Variants in NOS2 observed in about 807,000 individuals in gnomAD.
NOS2 encodes nitric oxide synthase 2, also known as nitric oxide synthase, inducible.
A neutral mutation model predicts 136.0 loss-of-function variants in NOS2; 96 were observed. The ratio of observed to expected loss-of-function variants is 0.71; its 90% confidence interval spans 0.60 to 0.84. NOS2 has a LOEUF of 0.84. NOS2 is among the 40% of genes least tolerant of loss of function. The pLI is 0.00. For synonymous variants in NOS2, 539 were observed against 587.5 expected, an observed-to-expected ratio of 0.92 and a Z score of 1.20; for missense variants, 1,237 against 1,496.9, an observed-to-expected ratio of 0.83 and a Z score of 2.87.
At chr17:27,777,091 C>CG (rs955048917) in intron 11 of NOS2, among the ~76,000 whole-genome samples, 19 of 152,180 alleles carry the variant, frequency 1.2e-4, no homozygotes, top group Non-Finnish European at 2.5e-4. Context: ...CCCCAAACAC[C>CG]GGGGGGCTCT....
In NOS2 at chr17:27,766,630, T is replaced by G. The variant is rs973173135; in HGVS notation, c.2168-42A>C. 7 of 1,528,276 alleles carry G rather than the reference T, an allele frequency of 4.6e-6. No homozygotes were observed. The African/African-American group carries it at 8.2e-5, about 18-fold the overall frequency. 94.7% of individuals were successfully genotyped at this position (1,528,276 alleles called of 1,614,324 possible). A position where few individuals can be genotyped will look rare whatever the true frequency, so the allele number is the denominator to read the frequency against. On this transcript the variant is annotated intron_variant, in intron 18 of 26. Transcript: ENST00000313735. ...GACGGTGAAATGGCAAAGTGGTTCT[T>G]GAGCGTAGGTAGGGGAAGCCCCCAG...
At position 27,769,066 on chromosome 17, in the gene NOS2, C is replaced by G; in HGVS notation, c.1945G>C (p.Gly649Arg). 1 of 1,612,742 alleles carries G rather than the reference C, an allele frequency of 6.2e-7. No individual in the cohort carries two copies. Among genetic ancestry groups the G allele is most frequent in the Non-Finnish European group, 8.5e-7 (1 of 1,179,634 alleles). Residue 649 changes from glycine (G) to arginine (R), a missense_variant, in exon 17 of 27, where the codon GGG becomes CGG. This residue lies in a region of NOS2 where 782 missense variants were observed against 909.9 expected (regional missense o/e 0.86). Coordinates refer to ENST00000313735, the MANE Select transcript of NOS2 (RefSeq NM_000625.4). ...HDIDQKLSHL[G>R]ASQLTPMGEG... Reference sequence around the variant, plus strand: ...CCCATCGGGGTGAGCTGAGAGGCCCCCAGGTGGGACAGCTTCTGATCAATG... The same window carrying G: ...CCCATCGGGGTGAGCTGAGAGGCCCGCAGGTGGGACAGCTTCTGATCAATG...
At chr17:27,780,957 C>T in intron 8 of NOS2, 51 bp from the exon 9 acceptor site, 3 of 1,598,708 alleles carry the variant, frequency 1.9e-6, no homozygotes, top group Admixed American at 1.7e-5. Flanking sequence ...CTGCGTGTCT[C>T]CTCTGGGCTC....
At chr17:27,762,730 G>C (rs1399592364) in intron 22 of NOS2, 68 bp downstream of exon 22, 15 of 1,159,806 alleles carry the variant, frequency 1.3e-5, no homozygotes, top group Non-Finnish European at 1.8e-5. Flanking sequence ...AGCTGAATCT[G>C]AGTTGATGAA....
chr17:27,776,677 GAAAA>G (rs34069634), intron 11 of NOS2, among the ~76,000 whole-genome samples: 93 of 78,128 alleles, frequency 1.2e-3, no homozygotes, highest in Middle Eastern at 8.1e-3. Flanking sequence ...ATCTCCAAAG[GAAAA>G]AAAAAAAAAA....
intron 2 of NOS2, among the ~76,000 whole-genome samples, chr17:27,790,121 C>G (rs561211989): frequency 6.6e-6 from 1 of 152,202 alleles, no homozygotes; most frequent in African/African-American, 2.4e-5. Flanking sequence ...TGAAACAGAG[C>G]CTTGCACTGT....
At chr17:27,782,512 C>A (rs1408759039) in intron 6 of NOS2, among the ~76,000 whole-genome samples, 1 of 152,192 alleles carries the variant, frequency 6.6e-6, no homozygotes, top group Admixed American at 6.5e-5. Context: ...TTTCTCTGTC[C>A]AAGTGCTTTT....
intron 2 of NOS2, among the ~76,000 whole-genome samples, chr17:27,796,780 G>T (rs986938991): frequency 6.6e-6 from 1 of 152,174 alleles, no homozygotes; most frequent in Non-Finnish European, 1.5e-5. Flanking sequence ...CTGCAATGAT[G>T]AGATGAAGAG....
intron 14 of NOS2, among the ~76,000 whole-genome samples, chr17:27,771,568 T>A (rs376521452): frequency 3.3e-5 from 5 of 152,376 alleles, no homozygotes; most frequent in African/African-American, 1.2e-4. Context: ...CAGTGCCCCC[T>A]TGGCCTAAGC....
intron 22 of NOS2, 140 bp downstream of exon 22, chr17:27,762,658 C>A: frequency 1.6e-6 from 1 of 632,440 alleles, no homozygotes; most frequent in Non-Finnish European, 2.7e-6. Flanking sequence ...TCCCACACAC[C>A]TCCTAATACT....
At chr17:27,776,674 A>C (rs1034769288) in intron 11 of NOS2, among the ~76,000 whole-genome samples, 3 of 138,476 alleles carry the variant, frequency 2.2e-5, no homozygotes, top group Non-Finnish European at 4.8e-5. Flanking sequence ...TTCATCTCCA[A>C]AGGAAAAAAA....
At chr17:27,788,219 C>T (rs1909081956) in intron 4 of NOS2, among the ~76,000 whole-genome samples, 1 of 151,916 alleles carries the variant, frequency 6.6e-6, no homozygotes. Context: ...CACACACACA[C>T]ACACGAATGA....
intron 1 of NOS2, among the ~76,000 whole-genome samples, chr17:27,799,655 G>A (rs1033230292): frequency 3.3e-5 from 5 of 152,152 alleles, no homozygotes; most frequent in Admixed American, 3.3e-4. Flanking sequence ...TTCAGCCTGG[G>A]CAACATAGGG....
intron 2 of NOS2, among the ~76,000 whole-genome samples, chr17:27,795,072 C>G (rs150049587): frequency 6.6e-6 from 1 of 152,114 alleles, no homozygotes; most frequent in African/African-American, 2.4e-5. Flanking sequence ...ACACCCACAA[C>G]TACGACCTCC....
intron 25 of NOS2, among the ~76,000 whole-genome samples, chr17:27,759,278 A>C (rs1908033990): frequency 6.6e-6 from 1 of 152,122 alleles, no homozygotes; most frequent in South Asian, 2.1e-4. Flanking sequence ...AGAGAGATAA[A>C]TGCTGGACAC....
At chr17:27,759,422 C>G (rs1200237018) in intron 25 of NOS2, among the ~76,000 whole-genome samples, 2 of 152,184 alleles carry the variant, frequency 1.3e-5, no homozygotes, top group East Asian at 3.9e-4. Context: ...AAGGGAGCCT[C>G]TCAATGCAGT....
Position 27,779,073 on chromosome 17 carries a change from C to T in NOS2, c.1005-17G>A, listed in dbSNP as rs754316162. 20 of 1,436,700 alleles carry T rather than the reference C, an allele frequency of 1.4e-5. No homozygotes were observed. The highest frequency in any genetic ancestry group is 2.6e-5 in the Admixed American group (1 of 38,262). 89.0% of individuals were successfully genotyped at this position (1,436,700 alleles called of 1,614,324 possible). A position where few individuals can be genotyped will look rare whatever the true frequency, so the allele number is the denominator to read the frequency against. ...CACTCGTATCTGGCAAAAAGGTAGA[C>T]ACAATTTAACTGGGGCCTTCCTTAT... On this transcript the variant is annotated splice_polypyrimidine_tract_variant and intron_variant, in intron 9 of 26. Transcript: ENST00000313735.
At chr17:27,786,981 T>C (rs188992319) in intron 5 of NOS2, among the ~76,000 whole-genome samples, 38 of 152,338 alleles carry the variant, frequency 2.5e-4, no homozygotes, top group Admixed American at 2.2e-3. Context: ...AAATGACCAA[T>C]TGGCCATAGA....
At position 27,760,181 on chromosome 17, in the gene NOS2, G is replaced by GC. The variant is rs1323828519; in HGVS notation, c.3011-4dup. 6.4e-7 allele frequency: 1 copy of GC among 1,557,250 alleles called. No homozygotes were observed. Among genetic ancestry groups the GC allele is most frequent in the Middle Eastern group, 1.8e-4 (1 of 5,652 alleles). On this transcript the variant is annotated splice_region_variant and splice_polypyrimidine_tract_variant and intron_variant, in intron 24 of 26. Coordinates refer to ENST00000313735, the MANE Select transcript of NOS2 (RefSeq NM_000625.4). ...GGTCATGCGGCCTCCCCGCACTCCTGCAGGAGTCCCGGGCTGTTGTTACCA... is the reference window on the plus strand; with the variant it reads ...GGTCATGCGGCCTCCCCGCACTCCTGCCAGGAGTCCCGGGCTGTTGTTACCA...
Sources: gnomAD v4.1 joint callset for allele counts (sites outside exome capture counted in the v4.1 genomes callset) on GRCh38, gnomAD v4.1.1 for gene constraint, gnomAD v4.1.1 regional missense constraint, MANE v1.5 for transcripts, NCBI Gene and HGNC (gene_info 2026-07-23, HGNC 2026-07-21) for gene names.